SLC9A9: variants seen among roughly 807,000 people sequenced by gnomAD.
SLC9A9 encodes sodium/hydrogen exchanger 9.
In SLC9A9, 62 loss-of-function variants were observed where a neutral mutation model predicts 77.8. That is an observed-to-expected ratio of 0.80 (90% CI 0.65 to 0.98). The LOEUF is 0.98. Among genes scored for constraint, SLC9A9 ranks in the 50% least tolerant of loss-of-function variants. SLC9A9 has a pLI of 0.00. For synonymous variants in SLC9A9, 320 were observed against 283.5 expected (o/e 1.13, Z -1.29); for missense variants, 775 against 774.9 (o/e 1.00, Z 0.00).
chr3:143,641,939 T>C (rs2038630691), intron 6 of SLC9A9, among the ~76,000 whole-genome samples: 1 of 152,224 alleles, frequency 6.6e-6, no homozygotes, highest in Non-Finnish European at 1.5e-5. Context: ...TCACTATTAT[T>C]GTCATAGTCA....
At chr3:143,819,133 A>G (rs1177768183) in intron 2 of SLC9A9, among the ~76,000 whole-genome samples, 2 of 152,214 alleles carry the variant, frequency 1.3e-5, no homozygotes, top group African/African-American at 4.8e-5. Context: ...AAATTCAGAG[A>G]AGCAAAACTA....
Position 143,363,517 on chromosome 3 carries a change from C to T in SLC9A9, c.1571G>A (p.Arg524Gln), listed in dbSNP as rs769786135. 6.2e-6 allele frequency: 10 copies of T among 1,612,848 alleles called. No homozygotes were observed. In the Admixed American group the frequency reaches 8.3e-5, roughly 13 times the overall value. ...AAAGCTATACCACATTCTGAAGAGC[C>T]GAGCACTCTCTGCTTTCGTCATGTT... ...DKNMTKAESA[R>Q]LFRMWYSFDH... Residue 524 changes from arginine (R) to glutamine (Q), a missense_variant, in exon 14 of 16, where the codon CGG becomes CAG. Coordinates refer to ENST00000316549, the MANE Select transcript of SLC9A9 (RefSeq NM_173653.4).
intron 6 of SLC9A9, among the ~76,000 whole-genome samples, chr3:143,651,716 G>A (rs534932727): frequency 2.0e-4 from 31 of 152,294 alleles, no homozygotes; most frequent in African/African-American, 7.0e-4. Context: ...TCCTTCCAGC[G>A]CAAAGGGAAA....
intron 4 of SLC9A9, among the ~76,000 whole-genome samples, chr3:143,720,323 T>C (rs1460847049): frequency 6.6e-6 from 1 of 152,106 alleles, no homozygotes; most frequent in African/African-American, 2.4e-5. Flanking sequence ...CATATAACTA[T>C]ACACATGGCA....
chr3:143,450,692 A>G (rs1269316746), intron 12 of SLC9A9, among the ~76,000 whole-genome samples: 1 of 152,206 alleles, frequency 6.6e-6, no homozygotes, highest in Admixed American at 6.5e-5. Flanking sequence ...AAAGTGCTAT[A>G]CAAAATTGAA....
At chr3:143,766,762 C>A (rs143947178) in intron 4 of SLC9A9, among the ~76,000 whole-genome samples, 1 of 151,968 alleles carries the variant, frequency 6.6e-6, no homozygotes, top group Admixed American at 6.6e-5. Flanking sequence ...TTAGTAGAGA[C>A]GGGGTTTCCC....
intron 4 of SLC9A9, among the ~76,000 whole-genome samples, chr3:143,713,275 C>T (rs887130966): frequency 2.6e-5 from 4 of 152,098 alleles, no homozygotes; most frequent in South Asian, 2.1e-4. Flanking sequence ...CAACATTGGC[C>T]GGATCTCAGC....
chr3:143,552,501 A>G (rs2036909785), intron 8 of SLC9A9, 51 bp from the exon 9 acceptor site: 1 of 1,506,124 alleles, frequency 6.6e-7, no homozygotes, highest in Admixed American at 1.7e-5. Context: ...TTTCCATCCA[A>G]GTCAAAGGTT....
At chr3:143,488,704 A>AT (rs2035694177) in intron 11 of SLC9A9, among the ~76,000 whole-genome samples, 1 of 151,916 alleles carries the variant, frequency 6.6e-6, no homozygotes, top group South Asian at 2.1e-4. Context: ...ACATTTCATG[A>AT]TAAAAAAAAC....
intron 14 of SLC9A9, among the ~76,000 whole-genome samples, chr3:143,308,037 C>T (rs1414161975): frequency 1.3e-5 from 2 of 152,282 alleles, no homozygotes; most frequent in East Asian, 3.9e-4. Flanking sequence ...AGGGAAATCC[C>T]AAAGGGGTTT....
intron 6 of SLC9A9, among the ~76,000 whole-genome samples, chr3:143,594,310 C>G (rs2037714156): frequency 6.6e-6 from 1 of 152,170 alleles, no homozygotes; most frequent in South Asian, 2.1e-4. Flanking sequence ...TGTTGAAATT[C>G]TCTTGGACTT....
chr3:143,391,964 T>C (rs1038514658), intron 12 of SLC9A9, among the ~76,000 whole-genome samples: 2 of 152,078 alleles, frequency 1.3e-5, no homozygotes, highest in Admixed American at 1.3e-4. Context: ...AAAGACCAAA[T>C]CTACATCTGA....
At chr3:143,673,103 G>C (rs1167355025) in intron 5 of SLC9A9, among the ~76,000 whole-genome samples, 1 of 152,148 alleles carries the variant, frequency 6.6e-6, no homozygotes, top group Non-Finnish European at 1.5e-5. Flanking sequence ...TGAAAATAAT[G>C]ACTTGCAAGT....
intron 12 of SLC9A9, among the ~76,000 whole-genome samples, chr3:143,392,618 A>AATGTTGTT (rs1424131198): frequency 2.0e-5 from 3 of 152,250 alleles, no homozygotes; most frequent in African/African-American, 7.2e-5. Flanking sequence ...CTTAAATGTA[A>AATGTTGTT]ATGGGCTAAA....
intron 1 of SLC9A9, among the ~76,000 whole-genome samples, chr3:143,847,089 C>T (rs1422774919): frequency 6.6e-6 from 1 of 152,136 alleles, no homozygotes; most frequent in East Asian, 1.9e-4. Context: ...CACAACTATA[C>T]ACTGTTAATA....
At chr3:143,476,941 G>A (rs151146285) in intron 11 of SLC9A9, among the ~76,000 whole-genome samples, 3 of 152,234 alleles carry the variant, frequency 2.0e-5, no homozygotes, top group East Asian at 3.9e-4. Context: ...TAGTTGCTGG[G>A]GTTGAGGAAA....
At chr3:143,815,868 A>C (rs546803572) in intron 2 of SLC9A9, among the ~76,000 whole-genome samples, 13 of 152,282 alleles carry the variant, frequency 8.5e-5, no homozygotes, top group East Asian at 1.9e-4. Context: ...CCATCTCAAA[A>C]AAACAAACAA....
intron 14 of SLC9A9, among the ~76,000 whole-genome samples, chr3:143,297,956 T>G (rs1450191195): frequency 6.6e-6 from 1 of 152,174 alleles, no homozygotes; most frequent in South Asian, 2.1e-4. Context: ...TTGGGTTGGA[T>G]GCAGGTTTGC....
intron 6 of SLC9A9, among the ~76,000 whole-genome samples, chr3:143,606,436 C>CTCTCTCTATA (rs1419410834): frequency 0.01 from 543 of 54,164 alleles, 4 homozygotes; most frequent in Admixed American, 0.017. Flanking sequence ...CTCTCTCTCT[C>CTCTCTCTATA]TATATATATA....
Sources: allele counts gnomAD v4.1 joint callset (sites outside exome capture counted in the v4.1 genomes callset), GRCh38; gene constraint gnomAD v4.1.1; transcripts MANE v1.5; gene names NCBI Gene and HGNC (gene_info 2026-07-23, HGNC 2026-07-21).